The following PCDHAC2 variants were observed in gnomAD, a reference collection of about 807,000 sequenced individuals.
PCDHAC2 encodes protocadherin alpha-C2.
In PCDHAC2, 24 loss-of-function variants were observed where a neutral mutation model predicts 63.3. The ratio of observed to expected loss-of-function variants is 0.38; its 90% CI spans 0.27 to 0.53. The LOEUF is 0.53. PCDHAC2 is among the 20% of genes least tolerant of loss of function. The pLI, the probability that PCDHAC2 is intolerant of heterozygous loss-of-function variation, is 0.81. For synonymous variants in PCDHAC2, 569 were observed against 529.4 expected, an observed-to-expected ratio of 1.07 and a Z score of -1.03; for missense variants, 1,181 against 1,275.2, an observed-to-expected ratio of 0.93 and a Z score of 1.12.
chr5:140,967,903 A>G lies in PCDHAC2; in HGVS notation c.1137A>G (p.Thr379=). 1 of 1,614,112 alleles carries G rather than the reference A, an allele frequency of 6.2e-7. No individual in the cohort carries two copies. The highest frequency in any genetic ancestry group is 1.3e-5 in the African/African-American group (1 of 75,026). ...DLYSPVPENA[T]PNTIVAVLSV... The stretch of plus-strand genomic sequence containing the variant: ...ATAGCCCAGTGCCTGAGAATGCTAC[A>G]CCCAACACCATTGTGGCCGTTCTCA... Residue 379 remains threonine (T), a synonymous_variant, in exon 1 of 4, where the codon ACA becomes ACG. Transcript: ENST00000289269.
intron 3 of PCDHAC2, among the ~76,000 whole-genome samples, chr5:140,992,543 T>G (rs1226407687): frequency 6.6e-6 from 1 of 152,186 alleles, no homozygotes; most frequent in African/African-American, 2.4e-5. Flanking sequence ...CTGTCACAAG[T>G]GATGCCAGGA....
rs1563652468 is a variant in PCDHAC2, at chr5:141,000,419, A to ATT, written c.2714-9207_2714-9206insTT. ...TCTATATATATATATATATATATAT[A>ATT]TATTTTTTTTTTTTTTTTTTTTTTT... On this transcript the variant is annotated intron_variant, in intron 3 of 3. Transcript: ENST00000289269. 2.1e-3 allele frequency among the ~76,000 whole-genome samples: 126 copies of ATT among 60,978 alleles called. 1 individual carries two copies. The highest frequency in any genetic ancestry group is 3.3e-3 in the African/African-American group (43 of 13,160). The allele number at this position is 60,978 out of a possible 152,430, so 40.0% of individuals were successfully genotyped here. A position where few individuals can be genotyped will look rare whatever the true frequency, so the allele number is the denominator to read the frequency against.
At chr5:141,005,332 A>G (rs1479899678) in intron 3 of PCDHAC2, among the ~76,000 whole-genome samples, 2 of 152,188 alleles carry the variant, frequency 1.3e-5, no homozygotes, top group Non-Finnish European at 2.9e-5. Context: ...ATAATAGGCC[A>G]AGGGGGTGCT....
At chr5:140,969,821 T>C (rs1358078633) in intron 1 of PCDHAC2, among the ~76,000 whole-genome samples, 3 of 152,250 alleles carry the variant, frequency 2.0e-5, no homozygotes, top group Non-Finnish European at 4.4e-5. Flanking sequence ...TACTCTGGAC[T>C]GTCTACAGTG....
At chr5:140,999,173 T>G (rs892201477) in intron 3 of PCDHAC2, among the ~76,000 whole-genome samples, 20 of 152,158 alleles carry the variant, frequency 1.3e-4, no homozygotes, top group African/African-American at 4.3e-4. Context: ...GAAAAGAGCC[T>G]GATGGGGAGA....
intron 3 of PCDHAC2, among the ~76,000 whole-genome samples, chr5:141,001,290 G>A (rs2098005878): frequency 6.6e-6 from 1 of 152,100 alleles, no homozygotes; most frequent in Non-Finnish European, 1.5e-5. Flanking sequence ...GATGAAAACT[G>A]AGGCCCAGAG....
At chr5:140,970,466 A>G (rs549761303) in intron 1 of PCDHAC2, among the ~76,000 whole-genome samples, 51 of 152,334 alleles carry the variant, frequency 3.3e-4, no homozygotes, top group Non-Finnish European at 4.4e-4. Context: ...TTAAGTAGGT[A>G]TAAGGCCAGC....
intron 3 of PCDHAC2, among the ~76,000 whole-genome samples, chr5:140,989,495 A>G (rs1408191575): frequency 6.6e-6 from 1 of 152,136 alleles, no homozygotes; most frequent in African/African-American, 2.4e-5. Context: ...AACAAGAAAG[A>G]CCTGCTTATA....
In PCDHAC2 at chr5:140,972,316, G is replaced by GT. The variant is rs112435719; in HGVS notation, c.2565+2997dup. On this transcript the variant is annotated intron_variant, in intron 1 of 3. Coordinates refer to ENST00000289269, the MANE Select transcript of PCDHAC2 (RefSeq NM_018899.6). ...CACCGTGTCTGACTAGTTTTTAGGT[G>GT]TTTTTTTTTTTTGGAAGAGATGGGG... 6.7e-3 allele frequency among the ~76,000 whole-genome samples: 929 copies of GT among 139,652 alleles called. 6 individuals carry two copies. The highest frequency in any genetic ancestry group is 0.017 in the African/African-American group (645 of 38,294). The allele number at this position is 139,652 out of a possible 152,430, so 91.6% of individuals were successfully genotyped here.
chr5:140,976,888 A>G (rs1050816491), intron 1 of PCDHAC2, among the ~76,000 whole-genome samples: 1 of 152,218 alleles, frequency 6.6e-6, no homozygotes, highest in African/African-American at 2.4e-5. Context: ...ATTAGGATAC[A>G]TGCAACAGTA....
chr5:141,008,299 C>G (rs1223779122), intron 3 of PCDHAC2, among the ~76,000 whole-genome samples: 9 of 152,238 alleles, frequency 5.9e-5, no homozygotes, highest in Non-Finnish European at 1.2e-4. Context: ...TGTACCCAAC[C>G]CTAAACTGTA....
At chr5:140,983,481 T>A (rs782574681) in intron 3 of PCDHAC2, among the ~76,000 whole-genome samples, 2 of 152,226 alleles carry the variant, frequency 1.3e-5, no homozygotes, top group Non-Finnish European at 2.9e-5. Context: ...TAATAGTAGT[T>A]ACTAATTATT....
intron 3 of PCDHAC2, among the ~76,000 whole-genome samples, chr5:140,991,620 T>C (rs2097462467): frequency 6.6e-6 from 1 of 152,212 alleles, no homozygotes; most frequent in Non-Finnish European, 1.5e-5. Flanking sequence ...TTTAATGCCA[T>C]ATTTGTAATA....
At chr5:141,001,220 G>T (rs1554258038) in intron 3 of PCDHAC2, among the ~76,000 whole-genome samples, 1 of 152,116 alleles carries the variant, frequency 6.6e-6, no homozygotes, top group African/African-American at 2.4e-5. Flanking sequence ...TATAAGGATA[G>T]TTACATTTAA....
chr5:140,967,060 G>T lies in PCDHAC2; in HGVS notation c.294G>T (p.Ala98=). Residue 98 remains alanine (A), a synonymous_variant, in exon 1 of 4, where the codon GCG becomes GCT. Coordinates refer to ENST00000289269, the MANE Select transcript of PCDHAC2 (RefSeq NM_018899.6). ...RYLELDLTSG[A]LFVNERIDRE... Reference sequence around the variant, plus strand: ...TGGAGCTGGACCTGACGAGTGGAGCGCTCTTCGTCAACGAGCGCATTGATC... The same window carrying T: ...TGGAGCTGGACCTGACGAGTGGAGCTCTCTTCGTCAACGAGCGCATTGATC... 6.2e-7 allele frequency: 1 copy of T among 1,612,802 alleles called. No individual in the cohort carries two copies. Among genetic ancestry groups the T allele is most frequent in the Non-Finnish European group, 8.5e-7 (1 of 1,179,672 alleles).
At chr5:140,993,227 C>T (rs1464075096) in intron 3 of PCDHAC2, among the ~76,000 whole-genome samples, 1 of 152,084 alleles carries the variant, frequency 6.6e-6, no homozygotes, top group African/African-American at 2.4e-5. Context: ...TTGGTATGTT[C>T]TCTCTGAATC....
chr5:140,981,673 C>T (rs1184909774), intron 2 of PCDHAC2, among the ~76,000 whole-genome samples: 1 of 152,108 alleles, frequency 6.6e-6, no homozygotes, highest in African/African-American at 2.4e-5. Flanking sequence ...TTCCTTTCTT[C>T]CTTCCTCCCT....
chr5:140,967,052 A>C lies in PCDHAC2; in HGVS notation c.286A>C (p.Ser96Arg), dbSNP rs1554229118. 1 of 1,612,532 alleles carries C rather than the reference A, an allele frequency of 6.2e-7. No individual in the cohort carries two copies. Among genetic ancestry groups the C allele is most frequent in the Non-Finnish European group, 8.5e-7 (1 of 1,179,602 alleles). Residue 96 changes from serine to arginine, a missense_variant, in exon 1 of 4, where the codon AGT (serine) becomes CGT (arginine). Physicochemically the swap from Ser to Arg is moderately radical, Grantham distance 110. This residue lies in a region of PCDHAC2 where 210 missense variants were observed against 184.9 expected (regional missense o/e 1.14). Transcript: ENST00000289269. ...SPRYLELDLT[S>R]GALFVNERID... ...GCGCTACCTGGAGCTGGACCTGACGAGTGGAGCGCTCTTCGTCAACGAGCG... is the reference window on the plus strand; with the variant it reads ...GCGCTACCTGGAGCTGGACCTGACGCGTGGAGCGCTCTTCGTCAACGAGCG...
At chr5:140,975,084 T>C (rs1353727401) in intron 1 of PCDHAC2, among the ~76,000 whole-genome samples, 1 of 152,140 alleles carries the variant, frequency 6.6e-6, no homozygotes, top group African/African-American at 2.4e-5. Context: ...GTTGGCAGAA[T>C]CCAGTTGTTT....
Sources: gnomAD v4.1 joint callset for allele counts (sites outside exome capture counted in the v4.1 genomes callset) on GRCh38, gnomAD v4.1.1 for gene constraint, gnomAD v4.1.1 regional missense constraint, MANE v1.5 for transcripts, NCBI Gene and HGNC (gene_info 2026-07-23, HGNC 2026-07-21) for gene names.